The following FAM78B variants were observed in gnomAD, a reference collection of about 807,000 sequenced individuals.
FAM78B encodes the protein family with sequence similarity 78 member B.
In FAM78B, 10 loss-of-function variants were observed where a neutral mutation model predicts 20.0. That is an observed-to-expected ratio of 0.50 (90% confidence interval 0.31 to 0.85). The LOEUF (loss-of-function observed/expected upper bound fraction) is 0.85. Among genes scored for constraint, FAM78B ranks in the 40% least tolerant of loss-of-function variants. The probability of loss-of-function intolerance (pLI) is 0.05; values close to 1 mark genes in which losing one functional copy is unlikely to be tolerated. For missense variants in FAM78B, 283 were observed against 345.0 expected (o/e 0.82, Z 1.42); for synonymous variants, 135 against 132.8 (o/e 1.02, Z -0.12).
At chr1:166,125,076 C>T (rs6698285) in intron 1 of FAM78B, among the ~76,000 whole-genome samples, 92,061 of 152,110 alleles carry the variant, frequency 0.61, 29,476 homozygotes, top group Non-Finnish European at 0.73. Flanking sequence ...TGAGCTCTCA[C>T]AATTGCAGTA....
At chr1:166,140,373 T>G (rs1421029059) in intron 1 of FAM78B, among the ~76,000 whole-genome samples, 1 of 152,234 alleles carries the variant, frequency 6.6e-6, no homozygotes, top group African/African-American at 2.4e-5. Context: ...GAAGTGAATA[T>G]GTAAACCGAA....
At chr1:166,132,343 A>G (rs971258596) in intron 1 of FAM78B, among the ~76,000 whole-genome samples, 56 of 152,316 alleles carry the variant, frequency 3.7e-4, no homozygotes, top group African/African-American at 1.3e-3. Context: ...CTTGACTAGC[A>G]AAATCTAGCT....
At chr1:166,125,487 C>G (rs1247713556) in intron 1 of FAM78B, among the ~76,000 whole-genome samples, 1 of 152,192 alleles carries the variant, frequency 6.6e-6, no homozygotes, top group African/African-American at 2.4e-5. Flanking sequence ...AACCTGACAG[C>G]AAATTTATCA....
chr1:166,084,231 ACACACACT>A (rs1308425643), intron 1 of FAM78B, among the ~76,000 whole-genome samples: 1 of 128,638 alleles, frequency 7.8e-6, no homozygotes, highest in African/African-American at 2.8e-5. Flanking sequence ...ACACACACAC[ACACACACT>A]CTCTCTCTCT....
At chr1:166,150,975 T>C (rs1655649709) in intron 1 of FAM78B, among the ~76,000 whole-genome samples, 1 of 151,976 alleles carries the variant, frequency 6.6e-6, no homozygotes. Flanking sequence ...AAATCAGAAA[T>C]GTTTAGAAGT....
In FAM78B at chr1:166,166,455, G is replaced by C. The variant is rs986553013; in HGVS notation, c.-207C>G. 5 of 216,310 alleles carry C rather than the reference G, an allele frequency of 2.3e-5. No individual in the cohort carries two copies. The highest frequency in any genetic ancestry group is 7.1e-5 in the African/African-American group (3 of 42,460). The allele number at this position is 216,310 out of a possible 1,614,324, so 13.4% of individuals were successfully genotyped here. ...CGGGGTCCCCGCTGCCCCGACGTCCGCCCACGCCCGCCCCCTCGCTCCGGC... is the reference window on the plus strand; with the variant it reads ...CGGGGTCCCCGCTGCCCCGACGTCCCCCCACGCCCGCCCCCTCGCTCCGGC... On this transcript the variant is annotated 5_prime_UTR_variant, in exon 1 of 2. Coordinates refer to ENST00000354422, the MANE Select transcript of FAM78B (RefSeq NM_001017961.5).
chr1:166,084,440 C>T (rs373912758), intron 1 of FAM78B, among the ~76,000 whole-genome samples: 3 of 152,166 alleles, frequency 2.0e-5, no homozygotes, highest in East Asian at 1.9e-4. Context: ...TAAACAACCT[C>T]ATGGATAAGG....
At position 166,157,030 on chromosome 1, in the gene FAM78B, CGGCGGAGGGGGGG is replaced by C. The variant is rs1232468394; in HGVS notation, c.263+8943_263+8955del. Among the ~76,000 whole-genome samples, 2 of 12,932 alleles carry C rather than the reference CGGCGGAGGGGGGG, an allele frequency of 1.5e-4. 1 individual carries two copies. Among genetic ancestry groups the C allele is most frequent in the Non-Finnish European group, 5.8e-4 (2 of 3,474 alleles). 8.5% of individuals were successfully genotyped at this position (12,932 alleles called of 152,430 possible). ...TCTGAGTGACATGACGTCAAGGGGGCGGCGGAGGGGGGGGGGGGGCTCCAATGCCTTCCTCTGA... is the reference window on the plus strand; with the variant it reads ...TCTGAGTGACATGACGTCAAGGGGGCGGGGGGCTCCAATGCCTTCCTCTGA... On this transcript the variant is annotated intron_variant, in intron 1 of 1. Transcript: ENST00000354422.
intron 1 of FAM78B, among the ~76,000 whole-genome samples, chr1:166,077,031 T>C (rs185505845): frequency 4.5e-4 from 69 of 152,270 alleles, no homozygotes; most frequent in Non-Finnish European, 7.2e-4. Context: ...ATTTCCAAAG[T>C]TGAGAATTTC....
At chr1:166,110,905 C>A (rs1654028086) in intron 1 of FAM78B, among the ~76,000 whole-genome samples, 1 of 152,148 alleles carries the variant, frequency 6.6e-6, no homozygotes. Context: ...TATAATCAAG[C>A]TTTGGAAAGT....
In FAM78B at chr1:166,166,161, A is replaced by G. The variant is rs749111334; in HGVS notation, c.88T>C (p.Cys30Arg). ...VYDVCATIDQ[C>R]PTRIEETSPI... is the part of the protein sequence containing the mutation. The stretch of plus-strand genomic sequence containing the variant: ...GAGGTCTCCTCGATGCGCGTGGGGC[A>G]CTGGTCGATGGTGGCGCACACATCG... The change falls in exon 1 of 2, where the codon TGC becomes CGC. Residue 30 changes from cysteine (C) to arginine (R), a missense_variant. Transcript: ENST00000354422. 3 of 1,604,458 alleles carry G rather than the reference A, an allele frequency of 1.9e-6. No homozygotes were observed. The highest frequency in any genetic ancestry group is 2.6e-6 in the Non-Finnish European group (3 of 1,175,538).
At chr1:166,105,698 AG>A (rs547305700) in intron 1 of FAM78B, among the ~76,000 whole-genome samples, 191 of 152,262 alleles carry the variant, frequency 1.3e-3, no homozygotes, top group African/African-American at 4.5e-3. Context: ...TTAAAAAGTC[AG>A]GAAACAACAG....
In FAM78B at chr1:166,166,186, G is replaced by T; in HGVS notation, c.63C>A (p.Tyr21Ter). 1 of 1,595,840 alleles carries T rather than the reference G, an allele frequency of 6.3e-7. No homozygotes were observed. Among genetic ancestry groups the T allele is most frequent in the Non-Finnish European group, 8.5e-7 (1 of 1,170,850 alleles). The change falls in exon 1 of 2, where the codon TAC becomes TAA. Residue 21 changes from tyrosine to a stop codon, truncating the protein, a stop_gained. Transcript: ENST00000354422. LOFTEE classifies it high-confidence loss of function. ...ACTGGTCGATGGTGGCGCACACATC[G>T]TACACCACGATGTTCTCGCGCCGGA... ...ARIRRENIVV[Y>*]DVCATIDQCP... is the part of the protein sequence containing the mutation.
intron 1 of FAM78B, among the ~76,000 whole-genome samples, chr1:166,106,751 T>G (rs141861337): frequency 2.0e-5 from 3 of 150,920 alleles, no homozygotes; most frequent in Non-Finnish European, 4.4e-5. Flanking sequence ...GAAGCAAGAG[T>G]TGAAAAACTA....
At chr1:166,135,774 C>T (rs1177752297) in intron 1 of FAM78B, among the ~76,000 whole-genome samples, 1 of 152,214 alleles carries the variant, frequency 6.6e-6, no homozygotes, top group Non-Finnish European at 1.5e-5. Context: ...GCACTTTTAA[C>T]TCAACACCAT....
At chr1:166,098,168 T>A (rs1012287614) in intron 1 of FAM78B, among the ~76,000 whole-genome samples, 1 of 151,892 alleles carries the variant, frequency 6.6e-6, no homozygotes, top group African/African-American at 2.4e-5. Context: ...GCCACATCCA[T>A]AGGAAAAGGG....
intron 1 of FAM78B, among the ~76,000 whole-genome samples, chr1:166,089,170 T>C (rs1336551854): frequency 1.3e-5 from 2 of 152,126 alleles, no homozygotes; most frequent in African/African-American, 2.4e-5. Context: ...ATGCACCACC[T>C]CCTCCCACGC....
chr1:166,152,592 T>G (rs1374658433), intron 1 of FAM78B, among the ~76,000 whole-genome samples: 1 of 152,156 alleles, frequency 6.6e-6, no homozygotes, highest in Non-Finnish European at 1.5e-5. Flanking sequence ...AATCCCCCTT[T>G]AACCTGTGCC....
intron 1 of FAM78B, among the ~76,000 whole-genome samples, chr1:166,107,662 T>C (rs1045996400): frequency 1.3e-5 from 2 of 152,084 alleles, no homozygotes; most frequent in African/African-American, 4.8e-5. Context: ...ATCACCCTAA[T>C]ACCAAAACCA....
Sources: allele counts gnomAD v4.1 joint callset (sites outside exome capture counted in the v4.1 genomes callset), GRCh38; gene constraint gnomAD v4.1.1; transcripts MANE v1.5; gene names NCBI Gene and HGNC (gene_info 2026-07-23, HGNC 2026-07-21).